Variants in PCDH7 observed in about 807,000 individuals in gnomAD.
PCDH7 encodes the protein protocadherin 7.
A neutral mutation model predicts 58.9 loss-of-function variants in PCDH7; 17 were observed. The ratio of observed to expected loss-of-function variants is 0.29; its 90% CI spans 0.20 to 0.43. The LOEUF (loss-of-function observed/expected upper bound fraction) is 0.43, where lower values mean the gene tolerates loss of function less well. Among genes scored for constraint, PCDH7 ranks in the 20% least tolerant of loss-of-function variants. The pLI is 1.00. For missense variants in PCDH7, 1,274 were observed against 1,441.0 expected, an observed-to-expected ratio of 0.88 and a Z score of 1.88; for synonymous variants, 664 against 616.4, an observed-to-expected ratio of 1.08 and a Z score of -1.14.
intron 1 of PCDH7, among the ~76,000 whole-genome samples, chr4:30,893,162 C>G (rs1738839495): frequency 6.6e-6 from 1 of 152,026 alleles, no homozygotes; most frequent in African/African-American, 2.4e-5. Flanking sequence ...ACTATATTAT[C>G]TCAAAATTGG....
chr4:31,119,897 C>G (rs962763313), intron 3 of PCDH7, among the ~76,000 whole-genome samples: 7 of 151,888 alleles, frequency 4.6e-5, no homozygotes, highest in African/African-American at 9.7e-5. Context: ...TGTGGGCCCA[C>G]TCGCCTAAGT....
chr4:30,899,685 A>G (rs1031661975), intron 1 of PCDH7, among the ~76,000 whole-genome samples: 8 of 152,020 alleles, frequency 5.3e-5, no homozygotes, highest in African/African-American at 1.4e-4. Context: ...CACTATCCTT[A>G]TAGAATAGGA....
chr4:31,010,719 A>G (rs1753104711), intron 3 of PCDH7, among the ~76,000 whole-genome samples: 5 of 151,990 alleles, frequency 3.3e-5, no homozygotes, highest in Admixed American at 2.6e-4. Flanking sequence ...CATGCTTTAA[A>G]TAGGTGTAAT....
Position 30,721,987 on chromosome 4 carries a change from G to C in PCDH7, c.565G>C (p.Gly189Arg). ...CGAGCTGCTCCAGGAGCCCGGAGGC[G>C]GCGGCAGCGGCGGCGAGAGCCGGCG... The change falls in exon 1 of 2, where the codon GGC (glycine) becomes CGC (arginine). Residue 189 changes from glycine to arginine, a missense_variant. Transcript: ENST00000361762. This position sits in a 1 kb window ranked among gnomAD's most constrained non-coding sequence, Gnocchi z 6.7. 7.7e-7 allele frequency: 1 copy of C among 1,303,198 alleles called. No individual in the cohort carries two copies. The highest frequency in any genetic ancestry group is 9.7e-7 in the Non-Finnish European group (1 of 1,027,942). 80.7% of individuals were successfully genotyped at this position (1,303,198 alleles called of 1,614,324 possible).
chr4:31,113,722 A>G (rs1716622673), intron 3 of PCDH7, among the ~76,000 whole-genome samples: 1 of 152,152 alleles, frequency 6.6e-6, no homozygotes, highest in South Asian at 2.1e-4. Context: ...GCAGATAGGT[A>G]CAAAAAATTT....
chr4:31,115,945 C>G (rs1441773658), intron 3 of PCDH7, among the ~76,000 whole-genome samples: 4 of 152,206 alleles, frequency 2.6e-5, no homozygotes, highest in Admixed American at 2.6e-4. Flanking sequence ...TTCCTCCAGC[C>G]CACCAAAATA....
At chr4:30,888,561 A>C (rs1738165647) in intron 1 of PCDH7, among the ~76,000 whole-genome samples, 1 of 152,226 alleles carries the variant, frequency 6.6e-6, no homozygotes, top group Admixed American at 6.5e-5. Flanking sequence ...TGTATGAAAC[A>C]ATTACAAATG....
intron 1 of PCDH7, among the ~76,000 whole-genome samples, chr4:30,903,035 C>T (rs932048400): frequency 1.3e-5 from 2 of 152,036 alleles, no homozygotes; most frequent in African/African-American, 2.4e-5. Context: ...AATTAAACTC[C>T]GGATGGCCAA....
chr4:31,087,480 C>T (rs942621971), intron 3 of PCDH7, among the ~76,000 whole-genome samples: 2 of 151,974 alleles, frequency 1.3e-5, no homozygotes, highest in Non-Finnish European at 2.9e-5. Flanking sequence ...AAAATAATAC[C>T]TTTACTAGAA....
chr4:30,853,167 C>T (rs183907810), intron 1 of PCDH7, among the ~76,000 whole-genome samples: 6 of 152,208 alleles, frequency 3.9e-5, no homozygotes, highest in Admixed American at 3.3e-4. Flanking sequence ...AAAACTAGGC[C>T]TTTGGAGTCA....
intron 3 of PCDH7, among the ~76,000 whole-genome samples, chr4:31,068,230 T>C (rs951106309): frequency 1.3e-5 from 2 of 151,654 alleles, no homozygotes; most frequent in African/African-American, 4.8e-5. Flanking sequence ...GAGTAGATAA[T>C]GTATGAAGGC....
At chr4:30,751,990 AT>A (rs1380488556) in intron 1 of PCDH7, among the ~76,000 whole-genome samples, 2 of 152,220 alleles carry the variant, frequency 1.3e-5, no homozygotes, top group African/African-American at 4.8e-5. Flanking sequence ...GTAGAATAAG[AT>A]TTTTTCTCTA....
At chr4:30,976,424 G>A (rs1750080713) in intron 3 of PCDH7, among the ~76,000 whole-genome samples, 2 of 122,950 alleles carry the variant, frequency 1.6e-5, no homozygotes, top group Admixed American at 9.1e-5. Flanking sequence ...TTTTTGAGAC[G>A]GAGTCTCACC....
Position 30,824,135 on chromosome 4 carries a change from CTTTCTTTCTTTCTTTCTTTCTTTCTTTT to C in PCDH7, c.71-96016_71-95989del, listed in dbSNP as rs1424788859. ...TCTTTCTTTCTTTCTTTCTTTCTTT[CTTTCTTTCTTTCTTTCTTTCTTTCTTTT>C]TGCTTCCCTCATATATGTGATTCTC... On this transcript the variant is annotated intron_variant, in intron 1 of 3. Coordinates refer to the PCDH7 transcript ENST00000509759. Among the ~76,000 whole-genome samples the C allele has an allele frequency of 2.4e-4, 34 of 143,578 alleles. No individual in the cohort carries two copies. The East Asian group carries it at 7.0e-3, about 30-fold the overall frequency. 94.2% of individuals were successfully genotyped at this position (143,578 alleles called of 152,430 possible).
At chr4:31,105,347 A>G (rs1715420122) in intron 3 of PCDH7, among the ~76,000 whole-genome samples, 1 of 152,178 alleles carries the variant, frequency 6.6e-6, no homozygotes, top group Admixed American at 6.5e-5. Context: ...ATGTGAATGA[A>G]TCACAAAAAT....
intron 1 of PCDH7, among the ~76,000 whole-genome samples, chr4:30,758,499 A>G (rs1214143646): frequency 6.6e-6 from 1 of 152,230 alleles, no homozygotes; most frequent in Non-Finnish European, 1.5e-5. Flanking sequence ...GTTTGTAACA[A>G]TAGCTTTGAA....
chr4:31,121,501 A>C (rs892602447), intron 3 of PCDH7, among the ~76,000 whole-genome samples: 2 of 152,218 alleles, frequency 1.3e-5, no homozygotes, highest in Non-Finnish European at 2.9e-5. Context: ...AAGCAGCAGT[A>C]TAATAATCTG....
At chr4:30,748,955 TC>T (rs1718127200) in intron 1 of PCDH7, among the ~76,000 whole-genome samples, 2 of 152,272 alleles carry the variant, frequency 1.3e-5, no homozygotes, top group East Asian at 3.9e-4. Flanking sequence ...CATAATTCTT[TC>T]CTCTCTTACA....
intron 3 of PCDH7, among the ~76,000 whole-genome samples, chr4:31,075,991 G>A (rs962409644): frequency 6.6e-6 from 1 of 152,122 alleles, no homozygotes; most frequent in African/African-American, 2.4e-5. Flanking sequence ...CCCAATGTAG[G>A]TTATGACCTC....
Sources: allele counts gnomAD v4.1 joint callset (sites outside exome capture counted in the v4.1 genomes callset), GRCh38; gene constraint gnomAD v4.1.1; non-coding constraint Gnocchi (gnomAD v3.1); transcripts MANE v1.5; gene names NCBI Gene and HGNC (gene_info 2026-07-23, HGNC 2026-07-21).